Variants in MICAL1 observed in about 807,000 individuals in gnomAD.
The protein encoded by MICAL1 is [F-actin]-monooxygenase MICAL1.
Under a neutral mutation model 131.8 loss-of-function variants are expected in MICAL1, and 95 were observed. That is an observed-to-expected ratio of 0.72 (90% CI 0.61 to 0.86). MICAL1 has a LOEUF of 0.86. MICAL1 is among the 40% of genes least tolerant of loss of function. The probability of loss-of-function intolerance (pLI) is 0.00; values close to 1 mark genes in which losing one functional copy is unlikely to be tolerated. For synonymous variants in MICAL1, 546 were observed against 554.2 expected, an observed-to-expected ratio of 0.99 and a Z score of 0.21; for missense variants, 1,292 against 1,380.6, an observed-to-expected ratio of 0.94 and a Z score of 1.02.
rs1046137487 is a variant in MICAL1 at position 109,447,211 on chromosome 6, A to G, written c.2089T>C (p.Cys697Arg). The G allele has an allele frequency of 2.5e-6, 4 of 1,613,956 alleles. No individual in the cohort carries two copies. In the African/African-American group the frequency reaches 4.0e-5, roughly 16 times the overall value. Residue 697 changes from cysteine to arginine, a missense_variant, in exon 17 of 25, where the codon TGT becomes CGT. Physicochemically the swap from Cys to Arg is radical, Grantham distance 180. Transcript: ENST00000358807. Reference sequence around the variant, plus strand: ...TAGAGGTGTTCCCCACAAAGTGCACACAGGTCCCCAGCACCGGCCTGCGTG... The same window carrying G: ...TAGAGGTGTTCCCCACAAAGTGCACGCAGGTCCCCAGCACCGGCCTGCGTG... ...QHQEAGAGDL[C>R]ALCGEHLYVL...
chr6:109,456,697 C>T (rs1049909495), upstream of MICAL1, among the ~76,000 whole-genome samples: 3 of 152,180 alleles, frequency 2.0e-5, no homozygotes, highest in Non-Finnish European at 4.4e-5. Context: ...AGTGAAGGGA[C>T]GCGTCCAGTC....
intron 7 of MICAL1, 74 bp from the exon 8 acceptor site, chr6:109,450,631 C>CAGAGATGAGTG: frequency 6.7e-7 from 1 of 1,493,690 alleles, no homozygotes; most frequent in Non-Finnish European, 9.0e-7. Context: ...CCCCCTTGGG[C>CAGAGATGAGTG]GCAGAAGGTG....
At chr6:109,456,714 C>G (rs967767499), upstream of MICAL1, among the ~76,000 whole-genome samples, 4 of 152,186 alleles carry the variant, frequency 2.6e-5, no homozygotes, top group African/African-American at 7.2e-5. Flanking sequence ...AGTCTTTTAG[C>G]TAGTTAATAT....
Position 109,451,608 on chromosome 6 carries a change from G to A in MICAL1, c.925C>T (p.Leu309=). ...CCAGGACTGGGCCTCACCTGGCGCA[G>A]CACCCCCAGCCGCAGCAGGCACTGC... The part of the protein sequence containing the change: ...KKQCLLRLGV[L]RQDWPDTNRL... Residue 309 remains leucine, a synonymous_variant, in exon 7 of 25, where the codon CTG becomes TTG. Transcript: ENST00000358807. 6.2e-7 allele frequency: 1 copy of A among 1,613,840 alleles called. No homozygotes were observed. Among genetic ancestry groups the A allele is most frequent in the Non-Finnish European group, 8.5e-7 (1 of 1,179,946 alleles).
intron 6 of MICAL1, chr6:109,451,985 C>A: frequency 1.4e-6 from 2 of 1,388,560 alleles, no homozygotes; most frequent in Non-Finnish European, 1.9e-6. Flanking sequence ...AACAGAGGCA[C>A]CTTCTTGAAG....
At chr6:109,449,045 T>A in intron 11 of MICAL1, 166 bp from the exon 12 acceptor site, 1 of 895,370 alleles carries the variant, frequency 1.1e-6, no homozygotes. Flanking sequence ...CCATCCCAAT[T>A]CTCTTTTAAA....
chr6:109,448,126 C>T, intron 13 of MICAL1, 77 bp downstream of exon 13: 10 of 1,266,404 alleles, frequency 7.9e-6, no homozygotes, highest in Non-Finnish European at 1.0e-5. Flanking sequence ...ACCGCCTTCT[C>T]CCTCTGTCAC....
chr6:109,462,936 G>A (rs1057267065), intron 1 of MICAL1: 1 of 152,310 alleles, frequency 6.6e-6, no homozygotes, highest in South Asian at 2.1e-4. Context: ...ATTTCTCAAG[G>A]ACACATGAGA....
chr6:109,446,251 G>A lies in MICAL1; in HGVS notation c.2466C>T (p.Thr822=). The change falls in exon 19 of 25, where the codon ACC becomes ACT. Residue 822 remains threonine, a synonymous_variant. Coordinates refer to ENST00000358807, the MANE Select transcript of MICAL1 (RefSeq NM_022765.4). ...ERQRLSSLNL[T]PDPEMEPPPK... ...GTGGAGGCTCCATTTCCGGGTCAGG[G>A]GTAAGGTTAAGGGAGGACAACCGCT... 1.2e-6 allele frequency: 2 copies of A among 1,611,784 alleles called. No homozygotes were observed. Among genetic ancestry groups the A allele is most frequent in the Non-Finnish European group, 1.7e-6 (2 of 1,179,074 alleles).
chr6:109,446,659 C>T (rs1243058432), intron 18 of MICAL1, 37 bp downstream of exon 18: 23 of 1,601,192 alleles, frequency 1.4e-5, no homozygotes, highest in Non-Finnish European at 2.0e-5. Flanking sequence ...CTTCCTCTTC[C>T]CATGCCCCAA....
At chr6:109,456,549 T>C (rs1775756868), upstream of MICAL1, among the ~76,000 whole-genome samples, 2 of 151,744 alleles carry the variant, frequency 1.3e-5, no homozygotes, top group African/African-American at 4.8e-5. Flanking sequence ...AGATGGGGAA[T>C]GGGAGGGGTG....
intron 19 of MICAL1, 56 bp downstream of exon 19, chr6:109,446,080 G>T: frequency 6.6e-7 from 1 of 1,515,840 alleles, no homozygotes; most frequent in Admixed American, 2.3e-5. Flanking sequence ...TCTGCAGGAA[G>T]CCAGTGCTCC....
upstream of MICAL1, among the ~76,000 whole-genome samples, chr6:109,459,864 C>T (rs1775843348): frequency 2.0e-5 from 3 of 152,160 alleles, no homozygotes; most frequent in African/African-American, 7.2e-5. Context: ...TTGTTTTTAA[C>T]TCTGATTTAG....
chr6:109,445,063 TAGGGGAGAC>T, intron 22 of MICAL1, 68 bp from the exon 23 acceptor site: 2 of 1,586,674 alleles, frequency 1.3e-6, no homozygotes, highest in South Asian at 2.2e-5. Context: ...GTTACAGGCT[TAGGGGAGAC>T]AGGAGAGCCG....
Position 109,447,193 on chromosome 6 carries a change from G to A in MICAL1, c.2107C>T (p.His703Tyr), listed in dbSNP as rs1192049622. 1.2e-6 allele frequency: 2 copies of A among 1,614,142 alleles called. No individual in the cohort carries two copies. The highest frequency in any genetic ancestry group is 1.7e-6 in the Non-Finnish European group (2 of 1,179,970). ...CAGAGGCGTTCCAGGACATAGAGGT[G>A]TTCCCCACAAAGTGCACACAGGTCC... is the stretch of plus-strand genomic sequence containing the variant. Reference protein sequence around the residue: ...AGDLCALCGEHLYVLERLCVN... With the variant: ...AGDLCALCGEYLYVLERLCVN... The change falls in exon 17 of 25, where the codon CAC becomes TAC. Residue 703 changes from histidine to tyrosine, a missense_variant. Physicochemically the swap from His to Tyr is moderately conservative, Grantham distance 83 (BLOSUM62 2). Transcript: ENST00000358807.
rs551129677 is a variant in MICAL1, at chr6:109,452,076, C to T, written c.832+170G>A. The T allele has an allele frequency of 4.2e-6, 6 of 1,426,164 alleles. No individual in the cohort carries two copies. The East Asian group carries it at 1.3e-4, about 30-fold the overall frequency. 88.3% of individuals were successfully genotyped at this position (1,426,164 alleles called of 1,614,324 possible). A position where few individuals can be genotyped will look rare whatever the true frequency, so the allele number is the denominator to read the frequency against. ...TTTCATGCTGGGTGATCAACTAGGG[C>T]TGTGCTTGCTTAATCCCTGAGGGGA... On this transcript the variant is annotated intron_variant, in intron 6 of 24. Transcript: ENST00000358807.
upstream of MICAL1, chr6:109,456,026 G>C: frequency 1.0e-6 from 1 of 986,328 alleles, no homozygotes; most frequent in Non-Finnish European, 1.2e-6. Flanking sequence ...AGGGCGTGGC[G>C]CTGCGGACAC....
At chr6:109,448,457 G>GGGCAGCAGGAGGGGAGGGACAGCA (rs1775347650) in intron 12 of MICAL1, 64 bp from the exon 13 acceptor site, 1 of 1,574,840 alleles carries the variant, frequency 6.3e-7, no homozygotes, top group African/African-American at 1.3e-5. Context: ...AGGGGAGGAA[G>GGGCAGCAGGAGGGGAGGGACAGCA]GGCAGCAGGA....
chr6:109,447,266 C>T, intron 16 of MICAL1, 37 bp from the exon 17 acceptor site: 1 of 1,613,924 alleles, frequency 6.2e-7, no homozygotes, highest in South Asian at 1.1e-5. Flanking sequence ...CAGGTGGAGC[C>T]AAGGCCAGCT....
Sources: allele counts gnomAD v4.1 joint callset (sites outside exome capture counted in the v4.1 genomes callset), GRCh38; gene constraint gnomAD v4.1.1; transcripts MANE v1.5; gene names NCBI Gene and HGNC (gene_info 2026-07-23, HGNC 2026-07-21).